The following FRMD4B variants were observed in gnomAD, a reference collection of about 807,000 sequenced individuals.
The protein encoded by FRMD4B is FERM domain-containing protein 4B.
Under a neutral mutation model 141.5 loss-of-function variants are expected in FRMD4B, and 74 were observed. The ratio of observed to expected loss-of-function variants is 0.52; its 90% confidence interval spans 0.43 to 0.63. The LOEUF (loss-of-function observed/expected upper bound fraction) is 0.63, where lower values mean the gene tolerates loss of function less well. Among genes scored for constraint, FRMD4B ranks in the 30% least tolerant of loss-of-function variants. The pLI, the probability that FRMD4B is intolerant of heterozygous loss-of-function variation, is 0.00. For missense variants in FRMD4B, 1,366 were observed against 1,253.4 expected, an observed-to-expected ratio of 1.09 and a Z score of -1.36; for synonymous variants, 506 against 467.9, an observed-to-expected ratio of 1.08 and a Z score of -1.05.
intron 1 of FRMD4B, among the ~76,000 whole-genome samples, chr3:69,366,785 T>C (rs1191529455): frequency 6.6e-6 from 1 of 152,136 alleles, no homozygotes; most frequent in Non-Finnish European, 1.5e-5. Context: ...TTTGTTTTGT[T>C]TTTAGACAGG....
At chr3:69,205,889 T>C (rs923359559) in intron 11 of FRMD4B, among the ~76,000 whole-genome samples, 1 of 152,232 alleles carries the variant, frequency 6.6e-6, no homozygotes, top group Non-Finnish European at 1.5e-5. Context: ...TTCTTTCAAC[T>C]ATGCCTGTTC....
intron 8 of FRMD4B, among the ~76,000 whole-genome samples, chr3:69,222,714 T>G (rs1025524160): frequency 2.0e-5 from 3 of 152,178 alleles, no homozygotes; most frequent in African/African-American, 4.8e-5. Context: ...GAGGCTGCAG[T>G]GAGCCGAGCT....
At chr3:69,277,975 C>A (rs912651428) in intron 5 of FRMD4B, among the ~76,000 whole-genome samples, 1 of 152,004 alleles carries the variant, frequency 6.6e-6, no homozygotes, top group Non-Finnish European at 1.5e-5. Context: ...CCTGCCTCAG[C>A]CTCCCAAGTA....
intron 4 of FRMD4B, among the ~76,000 whole-genome samples, chr3:69,299,248 T>C (rs1052686344): frequency 3.9e-5 from 6 of 152,190 alleles, no homozygotes; most frequent in African/African-American, 1.4e-4. Flanking sequence ...TATAGGTTTA[T>C]AAAACATACC....
At chr3:69,475,357 T>TC (rs1422458291) in intron 1 of FRMD4B, among the ~76,000 whole-genome samples, 2 of 150,636 alleles carry the variant, frequency 1.3e-5, no homozygotes, top group African/African-American at 4.9e-5. Context: ...CCCTCCCCCT[T>TC]CCCCCCACCC....
intron 1 of FRMD4B, among the ~76,000 whole-genome samples, chr3:69,364,915 T>G (rs1039479150): frequency 6.6e-6 from 1 of 152,076 alleles, no homozygotes; most frequent in African/African-American, 2.4e-5. Context: ...TCTCAGTTCA[T>G]CTAAATGAAG....
intron 1 of FRMD4B, among the ~76,000 whole-genome samples, chr3:69,528,357 T>A (rs1168158604): frequency 6.6e-6 from 1 of 151,192 alleles, no homozygotes; most frequent in Non-Finnish European, 1.5e-5. Flanking sequence ...CCTTTTCCTT[T>A]CTCTCTCTCT....
intron 11 of FRMD4B, among the ~76,000 whole-genome samples, chr3:69,208,197 G>C (rs961807028): frequency 1.3e-5 from 2 of 152,122 alleles, no homozygotes; most frequent in African/African-American, 4.8e-5. Context: ...CTGAGTAGCT[G>C]AGATTACAGG....
At chr3:69,196,030 C>T (rs565734160) in intron 14 of FRMD4B, among the ~76,000 whole-genome samples, 1 of 152,204 alleles carries the variant, frequency 6.6e-6, no homozygotes, top group Non-Finnish European at 1.5e-5. Context: ...ACTCACCATC[C>T]TTGCATCTCA....
chr3:69,420,973 C>T (rs1164368033), intron 2 of FRMD4B, among the ~76,000 whole-genome samples: 1 of 152,208 alleles, frequency 6.6e-6, no homozygotes, highest in Admixed American at 6.5e-5. Context: ...ACGGAGAGGG[C>T]CAGGGAAAGT....
chr3:69,531,301 T>C (rs1559554859), intron 1 of FRMD4B, among the ~76,000 whole-genome samples: 1 of 152,128 alleles, frequency 6.6e-6, no homozygotes, highest in South Asian at 2.1e-4. Flanking sequence ...ACAATTCAGC[T>C]GTCAATAACA....
intron 7 of FRMD4B, among the ~76,000 whole-genome samples, chr3:69,245,462 T>G (rs909107772): frequency 6.6e-6 from 1 of 151,934 alleles, no homozygotes; most frequent in African/African-American, 2.4e-5. Context: ...TTCTTGTGTC[T>G]CAGCCTCCTC....
At chr3:69,212,381 GAAAAAAAAAAAGAAAA>G (rs2093094078) in intron 11 of FRMD4B, among the ~76,000 whole-genome samples, 1 of 95,598 alleles carries the variant, frequency 1.0e-5, no homozygotes, top group African/African-American at 4.0e-5. Flanking sequence ...AAAAAAAAAA[GAAAAAAAAAAAGAAAA>G]AAAAGAAAAA....
chr3:69,448,254 G>A lies in FRMD4B; in HGVS notation c.-128-15493C>T, dbSNP rs368119641. 3.5e-3 allele frequency among the ~76,000 whole-genome samples: 525 copies of A among 152,070 alleles called. 4 individuals carry two copies. Among genetic ancestry groups the A allele is most frequent in the African/African-American group, 0.012 (491 of 41,488 alleles). On this transcript the variant is annotated intron_variant, in intron 1 of 5. Coordinates refer to the FRMD4B transcript ENST00000459638. Reference sequence around the variant, plus strand: ...CATGTTAGCCAGGCTGGTCTCGAACGCCTGACCTCAGGTGATCCACCTGCC... The same window carrying A: ...CATGTTAGCCAGGCTGGTCTCGAACACCTGACCTCAGGTGATCCACCTGCC...
chr3:69,286,303 A>C (rs1256937427), intron 5 of FRMD4B, among the ~76,000 whole-genome samples: 3 of 152,256 alleles, frequency 2.0e-5, no homozygotes, highest in Admixed American at 2.0e-4. Context: ...ATTTACACAA[A>C]AATAATAATG....
chr3:69,252,673 A>G (rs1321583790), intron 5 of FRMD4B, among the ~76,000 whole-genome samples: 1 of 152,166 alleles, frequency 6.6e-6, no homozygotes, highest in Admixed American at 6.6e-5. Flanking sequence ...TTTAATTAAG[A>G]CTTAAAAAGA....
intron 2 of FRMD4B, among the ~76,000 whole-genome samples, chr3:69,404,064 T>TA (rs1386077274): frequency 6.6e-6 from 1 of 152,232 alleles, no homozygotes; most frequent in South Asian, 2.1e-4. Context: ...CCTGGCTGTT[T>TA]AAAAAAATGT....
chr3:69,461,223 C>G (rs1230048568), intron 1 of FRMD4B, among the ~76,000 whole-genome samples: 1 of 152,120 alleles, frequency 6.6e-6, no homozygotes, highest in African/African-American at 2.4e-5. Flanking sequence ...AATAAAGCAG[C>G]ACAGTACACA....
At chr3:69,206,545 T>C (rs1296306468) in intron 11 of FRMD4B, among the ~76,000 whole-genome samples, 1 of 152,178 alleles carries the variant, frequency 6.6e-6, no homozygotes, top group South Asian at 2.1e-4. Context: ...CCAGAGCTGA[T>C]GTAATGACAT....
Sources: allele counts gnomAD v4.1 joint callset (sites outside exome capture counted in the v4.1 genomes callset), GRCh38; gene constraint gnomAD v4.1.1; transcripts MANE v1.5; gene names NCBI Gene and HGNC (gene_info 2026-07-23, HGNC 2026-07-21).